BEND4: variants seen among roughly 807,000 people sequenced by gnomAD.
BEND4 encodes the protein BEN domain containing 4, also known as BEN domain-containing protein 4.
In BEND4, 27 loss-of-function variants were observed where a neutral mutation model predicts 54.7. That is an observed-to-expected ratio of 0.49 (90% confidence interval 0.36 to 0.68). BEND4 has a LOEUF of 0.68. BEND4 is among the 30% of genes least tolerant of loss of function. The pLI is 0.00. For synonymous variants in BEND4, 327 were observed against 299.5 expected (o/e 1.09, Z -0.95); for missense variants, 702 against 697.2 (o/e 1.01, Z -0.08).
At chr4:42,141,028 CCA>C (rs1180697652) in intron 3 of BEND4, among the ~76,000 whole-genome samples, 6 of 150,692 alleles carry the variant, frequency 4.0e-5, no homozygotes, top group Non-Finnish European at 9.0e-5. Context: ...TTGTAAAATC[CCA>C]CAGTGTGCTA....
At chr4:42,119,536 C>A (rs1269473817) in intron 5 of BEND4, among the ~76,000 whole-genome samples, 3 of 151,998 alleles carry the variant, frequency 2.0e-5, no homozygotes, top group African/African-American at 7.3e-5. Flanking sequence ...CTGCAGTACA[C>A]TTAATAGAAA....
At chr4:42,120,439 C>G (rs1337807257) in intron 4 of BEND4, 145 bp from the exon 5 acceptor site, 6 of 1,037,438 alleles carry the variant, frequency 5.8e-6, no homozygotes, top group Non-Finnish European at 8.5e-6. Context: ...CAAATAATTG[C>G]TCAGACTTAG....
intron 3 of BEND4, among the ~76,000 whole-genome samples, chr4:42,129,153 A>T (rs1272385198): frequency 6.6e-6 from 1 of 152,184 alleles, no homozygotes; most frequent in Non-Finnish European, 1.5e-5. Flanking sequence ...CAGCCAAATC[A>T]TGAGTGAACT....
chr4:42,149,576 GA>G (rs1467095329), intron 2 of BEND4, among the ~76,000 whole-genome samples: 1 of 152,170 alleles, frequency 6.6e-6, no homozygotes, highest in African/African-American at 2.4e-5. Flanking sequence ...GAAATATGGA[GA>G]AATTCGAAGG....
rs1175560905 is a variant in BEND4 at position 42,151,740 on chromosome 4, A to T, written c.404T>A (p.Val135Asp). Residue 135 changes from valine (V) to aspartate (D), a missense_variant, in exon 2 of 6, where the codon GTC becomes GAC. Val to Asp is a radical substitution (Grantham distance 152, BLOSUM62 -3). Coordinates refer to ENST00000502486, the MANE Select transcript of BEND4 (RefSeq NM_207406.4). ...AASSSSSFAA[V>D]VRYGPGAAAA... is the part of the protein sequence containing the mutation. ...CGCCGCGCCTGGGCCATACCTGACG[A>T]CAGCGGCGAACGAAGACGACGAGGA... The T allele has an allele frequency of 6.7e-7, 1 of 1,501,434 alleles. No homozygotes were observed. The highest frequency in any genetic ancestry group is 8.8e-7 in the Non-Finnish European group (1 of 1,131,152). The allele number at this position is 1,501,434 out of a possible 1,614,324, so 93.0% of individuals were successfully genotyped here.
rs963494933 is a variant in BEND4 at position 42,111,125 on chromosome 4, T to G, written c.*6393A>C. Reference sequence around the variant, plus strand: ...AAACTTTTATAACATTTTAAGTTTCTAAAAGAAATGAGCCTAACACTTAAA... The same window carrying G: ...AAACTTTTATAACATTTTAAGTTTCGAAAAGAAATGAGCCTAACACTTAAA... On this transcript the variant is annotated 3_prime_UTR_variant, in exon 6 of 6. Coordinates refer to ENST00000502486, the MANE Select transcript of BEND4 (RefSeq NM_207406.4). 2 of 152,222 alleles carry G rather than the reference T, an allele frequency of 1.3e-5. No individual in the cohort carries two copies. Among genetic ancestry groups the G allele is most frequent in the African/African-American group, 4.8e-5 (2 of 41,460 alleles). 9.4% of individuals were successfully genotyped at this position (152,222 alleles called of 1,614,324 possible). A position where few individuals can be genotyped will look rare whatever the true frequency, so the allele number is the denominator to read the frequency against.
At chr4:42,133,736 T>C (rs1720590627) in intron 3 of BEND4, among the ~76,000 whole-genome samples, 1 of 152,080 alleles carries the variant, frequency 6.6e-6, no homozygotes, top group African/African-American at 2.4e-5. Flanking sequence ...GCGCCTGTAG[T>C]CCCAGCTACT....
intron 4 of BEND4, 140 bp downstream of exon 4, chr4:42,125,443 C>T: frequency 3.1e-6 from 2 of 644,916 alleles, no homozygotes; most frequent in Non-Finnish European, 5.6e-6. Context: ...CCACAAATTA[C>T]ATACTTACAG....
At chr4:42,139,451 C>T (rs1560581889) in intron 3 of BEND4, among the ~76,000 whole-genome samples, 3 of 145,400 alleles carry the variant, frequency 2.1e-5, no homozygotes, top group Admixed American at 1.4e-4. Context: ...CCCACAACTT[C>T]TTTTTTTTTT....
intron 3 of BEND4, among the ~76,000 whole-genome samples, chr4:42,131,068 GA>G (rs1384635893): frequency 1.3e-5 from 2 of 152,186 alleles, no homozygotes; most frequent in African/African-American, 4.8e-5. Flanking sequence ...GCCTATTGGG[GA>G]GGGGGGGCAG....
chr4:42,151,879 C>T lies in BEND4; in HGVS notation c.265G>A (p.Gly89Arg). ...QFQAQSSYPP[G>R]PGRAAAAASS... ...GCGGCGGCGGCGGCCCGGCCGGGCC[C>T]GGGGGGGTAGGAGCTCTGCGCCTGG... is the stretch of plus-strand genomic sequence containing the variant. The change falls in exon 2 of 6, where the codon GGG becomes AGG. Residue 89 changes from glycine to arginine, a missense_variant. By Grantham distance (125) the Gly-to-Arg change is moderately radical. Coordinates refer to ENST00000502486, the MANE Select transcript of BEND4 (RefSeq NM_207406.4). The T allele has an allele frequency of 2.3e-6, 3 of 1,305,876 alleles. No homozygotes were observed. Among genetic ancestry groups the T allele is most frequent in the Middle Eastern group, 2.7e-4 (1 of 3,724 alleles). 80.9% of individuals were successfully genotyped at this position (1,305,876 alleles called of 1,614,324 possible).
intron 4 of BEND4, among the ~76,000 whole-genome samples, chr4:42,121,155 A>AGG (rs1286823700): frequency 6.6e-6 from 1 of 150,502 alleles, no homozygotes; most frequent in Non-Finnish European, 1.5e-5. Context: ...TGTACAAAAC[A>AGG]AAGGGAAAAC....
chr4:42,142,781 T>TTTAGTCAGGGC (rs1282009677), intron 3 of BEND4, among the ~76,000 whole-genome samples: 1 of 152,094 alleles, frequency 6.6e-6, no homozygotes, highest in East Asian at 1.9e-4. Flanking sequence ...ATGCCTCATG[T>TTTAGTCAGGGC]TTAGTCAGGG....
Position 42,123,703 on chromosome 4 carries a change from A to AC in BEND4, c.1146+1879_1146+1880insG, listed in dbSNP as rs1553921986. Among the ~76,000 whole-genome samples, 578 of 111,916 alleles carry AC rather than the reference A, an allele frequency of 5.2e-3. 5 individuals carry two copies. The highest frequency in any genetic ancestry group is 0.015 in the Middle Eastern group (3 of 204). 73.4% of individuals were successfully genotyped at this position (111,916 alleles called of 152,430 possible). A position where few individuals can be genotyped will look rare whatever the true frequency, so the allele number is the denominator to read the frequency against. On this transcript the variant is annotated intron_variant, in intron 4 of 5. Coordinates refer to ENST00000502486, the MANE Select transcript of BEND4 (RefSeq NM_207406.4). Reference sequence around the variant, plus strand: ...TTGGATCTGTAATTCAGAAAAAAAAAAAAAAAAAAAAAAACAACTTTCCAG... The same window carrying AC: ...TTGGATCTGTAATTCAGAAAAAAAAACAAAAAAAAAAAAAACAACTTTCCAG...
chr4:42,152,053 G>A lies in BEND4; in HGVS notation c.91C>T (p.Pro31Ser). The part of the protein sequence containing the change: ...RSPYSVLKTF[P>S]SKRPALAKRY... The stretch of plus-strand genomic sequence containing the variant: ...TTGGCCAGCGCCGGTCTCTTGCTGG[G>A]GAACGTCTTGAGGACGCTGTAGGGG... Residue 31 changes from proline (P) to serine (S), a missense_variant, in exon 2 of 6, where the codon CCC becomes TCC. Coordinates refer to ENST00000502486, the MANE Select transcript of BEND4 (RefSeq NM_207406.4). 1 of 1,252,256 alleles carries A rather than the reference G, an allele frequency of 8.0e-7. No individual in the cohort carries two copies. Among genetic ancestry groups the A allele is most frequent in the Non-Finnish European group, 1.0e-6 (1 of 991,216 alleles). The allele number at this position is 1,252,256 out of a possible 1,614,324, so 77.6% of individuals were successfully genotyped here. A position where few individuals can be genotyped will look rare whatever the true frequency, so the allele number is the denominator to read the frequency against.
chr4:42,144,372 T>C (rs975531542), intron 2 of BEND4, among the ~76,000 whole-genome samples: 37 of 152,306 alleles, frequency 2.4e-4, no homozygotes, highest in African/African-American at 7.9e-4. Flanking sequence ...TCCTCATTGA[T>C]AGGAGGGCTT....
rs748323146 is a variant in BEND4, at chr4:42,112,480, A to G, written c.*5038T>C. 5.9e-5 allele frequency: 9 copies of G among 152,210 alleles called. No individual in the cohort carries two copies. Among genetic ancestry groups the G allele is most frequent in the Non-Finnish European group, 1.3e-4 (9 of 68,044 alleles). 9.4% of individuals were successfully genotyped at this position (152,210 alleles called of 1,614,324 possible). ...CCAAGAATAAAGAGGTTTTCAAATGAGTCTTACTAGCAAGACATGCTTTCA... is the reference window on the plus strand; with the variant it reads ...CCAAGAATAAAGAGGTTTTCAAATGGGTCTTACTAGCAAGACATGCTTTCA... On this transcript the variant is annotated 3_prime_UTR_variant, in exon 6 of 6. Coordinates refer to ENST00000502486, the MANE Select transcript of BEND4 (RefSeq NM_207406.4).
rs750236971 is a variant in BEND4 at position 42,120,268 on chromosome 4, A to G, written c.1173T>C (p.Tyr391=). 6.2e-7 allele frequency: 1 copy of G among 1,602,844 alleles called. No individual in the cohort carries two copies. The highest frequency in any genetic ancestry group is 1.1e-5 in the South Asian group (1 of 90,922). ...TEGSKQLLNN[Y]PVYITSKQWD... is the part of the protein sequence containing the mutation. Reference sequence around the variant, plus strand: ...ACTGTTTGCTCGTTATGTAGACAGGATAGTTGTTCAACAGCTGCTTGCTTC... The same window carrying G: ...ACTGTTTGCTCGTTATGTAGACAGGGTAGTTGTTCAACAGCTGCTTGCTTC... Residue 391 remains tyrosine (Y), a synonymous_variant, in exon 5 of 6, where the codon TAT becomes TAC. Transcript: ENST00000502486.
rs1249221902 is a variant in BEND4, at chr4:42,116,057, T to C, written c.*1461A>G. On this transcript the variant is annotated 3_prime_UTR_variant, in exon 6 of 6. Coordinates refer to ENST00000502486, the MANE Select transcript of BEND4 (RefSeq NM_207406.4). The stretch of plus-strand genomic sequence containing the variant: ...GACTTTGTATATAGTGAATACAAAC[T>C]AAATATTAAATCTAAAGGACAATTT... 1 of 152,154 alleles carries C rather than the reference T, an allele frequency of 6.6e-6. No individual in the cohort carries two copies. The highest frequency in any genetic ancestry group is 1.5e-5 in the Non-Finnish European group (1 of 68,010). The allele number at this position is 152,154 out of a possible 1,614,324, so 9.4% of individuals were successfully genotyped here. A position where few individuals can be genotyped will look rare whatever the true frequency, so the allele number is the denominator to read the frequency against.
Sources: allele counts gnomAD v4.1 joint callset (sites outside exome capture counted in the v4.1 genomes callset), GRCh38; gene constraint gnomAD v4.1.1; transcripts MANE v1.5; gene names NCBI Gene and HGNC (gene_info 2026-07-23, HGNC 2026-07-21).